The following YLPM1 variants were observed in gnomAD, a reference collection of about 807,000 sequenced individuals.
YLPM1 encodes YLP motif-containing protein 1.
YLPM1 carries 99 observed loss-of-function variants against 230.0 expected under a neutral mutation model. The ratio of observed to expected loss-of-function variants is 0.43; its 90% CI spans 0.37 to 0.51. The LOEUF is 0.51. Ranked by LOEUF, YLPM1 falls within the 20% of genes least tolerant of loss-of-function variation. The probability of loss-of-function intolerance (pLI) is 0.00; values close to 1 mark genes in which losing one functional copy is unlikely to be tolerated. For synonymous variants in YLPM1, 984 were observed against 942.5 expected, an observed-to-expected ratio of 1.04 and a Z score of -0.81; for missense variants, 2,592 against 2,707.7, an observed-to-expected ratio of 0.96 and a Z score of 0.95.
chr14:74,788,030 G>GA (rs1237178385), intron 4 of YLPM1, among the ~76,000 whole-genome samples: 2 of 151,634 alleles, frequency 1.3e-5, no homozygotes, highest in Non-Finnish European at 2.9e-5. Context: ...AAGGGATAGT[G>GA]AAAAAAATGT....
intron 1 of YLPM1, among the ~76,000 whole-genome samples, chr14:74,778,017 A>G (rs1450622185): frequency 1.3e-5 from 2 of 151,660 alleles, no homozygotes; most frequent in Admixed American, 6.6e-5. Flanking sequence ...TTGAGGAGAA[A>G]GAGAGAAGGC....
At chr14:74,803,382 G>A (rs543893269) in intron 6 of YLPM1, among the ~76,000 whole-genome samples, 1 of 152,274 alleles carries the variant, frequency 6.6e-6, no homozygotes, top group South Asian at 2.1e-4. Context: ...TATCTTGCAG[G>A]TAGTTTTATG....
intron 13 of YLPM1, 76 bp from the exon 14 acceptor site, chr14:74,816,855 C>A: frequency 7.5e-6 from 11 of 1,467,184 alleles, no homozygotes; most frequent in Non-Finnish European, 1.0e-5. Flanking sequence ...CATCTCTATC[C>A]AAATACTAAC....
chr14:74,799,036 A>G lies in YLPM1; in HGVS notation c.3739A>G (p.Arg1247Gly), dbSNP rs777601523. Residue 1247 changes from arginine to glycine, a missense_variant, in exon 5 of 21, where the codon AGG (arginine) becomes GGG (glycine). By Grantham distance (125) the Arg-to-Gly change is moderately radical (BLOSUM62 -2). This residue lies in a region of YLPM1 where 1,862 missense variants were observed against 1,819.8 expected (regional missense o/e 1.02). Coordinates refer to ENST00000325680, the MANE Select transcript of YLPM1 (RefSeq NM_019589.3). ...DTLELYNRED[R>G]FSAPPSRSHD... The stretch of plus-strand genomic sequence containing the variant: ...ACTAGAGCTCTATAACAGAGAGGAC[A>G]GGTTCTCAGCACCACCATCTCGGTC... The G allele has an allele frequency of 2.5e-6, 4 of 1,613,884 alleles. No homozygotes were observed. In the African/African-American group the frequency reaches 5.3e-5, roughly 22 times the overall value.
chr14:74,802,217 C>CAA (rs34503917), intron 5 of YLPM1, among the ~76,000 whole-genome samples: 47 of 95,004 alleles, frequency 4.9e-4, no homozygotes, highest in African/African-American at 2.0e-3. Flanking sequence ...GACTCTGTCT[C>CAA]AAAAAAAAAA....
chr14:74,772,457 C>G (rs1427267943), intron 1 of YLPM1, among the ~76,000 whole-genome samples: 1 of 151,578 alleles, frequency 6.6e-6, no homozygotes, highest in Non-Finnish European at 1.5e-5. Flanking sequence ...CTCCCAGGTT[C>G]AAGCGATTCT....
rs762493228 is a variant in YLPM1, at chr14:74,809,528, C to T, written c.4670C>T (p.Pro1557Leu). The change falls in exon 7 of 21, where the codon CCT becomes CTT. Residue 1557 changes from proline to leucine, a missense_variant. Coordinates refer to ENST00000325680, the MANE Select transcript of YLPM1 (RefSeq NM_019589.3). ...CCTCCACCTCCTCCACCTCTACCTCCTCCTCCTCCAGTGATAAAGCCACAA... is the reference window on the plus strand; with the variant it reads ...CCTCCACCTCCTCCACCTCTACCTCTTCCTCCTCCAGTGATAAAGCCACAA... ...PPPPPPPPLP[P>L]PPPVIKPQTS... 1 of 1,591,568 alleles carries T rather than the reference C, an allele frequency of 6.3e-7. No individual in the cohort carries two copies. The highest frequency in any genetic ancestry group is 8.6e-7 in the Non-Finnish European group (1 of 1,168,382).
intron 11 of YLPM1, 45 bp downstream of exon 11, chr14:74,812,827 A>G (rs746754406): frequency 6.3e-7 from 1 of 1,577,082 alleles, no homozygotes; most frequent in South Asian, 1.2e-5. Context: ...ACCAGAAGAT[A>G]AGAGATCTTG....
intron 1 of YLPM1, among the ~76,000 whole-genome samples, chr14:74,767,687 A>G (rs1471687470): frequency 2.0e-5 from 3 of 151,524 alleles, no homozygotes; most frequent in Admixed American, 6.6e-5. Context: ...AGTCCCTCCT[A>G]TTTTCTTTTT....
chr14:74,835,551 AT>A, intron 20 of YLPM1, 104 bp downstream of exon 20: 2 of 989,910 alleles, frequency 2.0e-6, no homozygotes, highest in Non-Finnish European at 2.9e-6. Context: ...TTCTTGTGTT[AT>A]TTTATAGTTC....
Position 74,824,249 on chromosome 14 carries a change from G to A in YLPM1, c.6112-7G>A, listed in dbSNP as rs780358134. On this transcript the variant is annotated splice_polypyrimidine_tract_variant and splice_region_variant and intron_variant, in intron 17 of 20. Coordinates refer to ENST00000325680, the MANE Select transcript of YLPM1 (RefSeq NM_019589.3). ...ACCCTTCGAGCTTCTCTCTGTGTAC[G>A]ATTTAGGGTTACATTCCGAAAAGCA... 1.3e-5 allele frequency: 21 copies of A among 1,611,690 alleles called. No homozygotes were observed. The highest frequency in any genetic ancestry group is 1.1e-4 in the East Asian group (5 of 44,808).
chr14:74,811,708 C>A lies in YLPM1; in HGVS notation c.5317C>A (p.Pro1773Thr). The A allele has an allele frequency of 6.2e-7, 1 of 1,611,434 alleles. No homozygotes were observed. The highest frequency in any genetic ancestry group is 1.1e-5 in the South Asian group (1 of 90,650). The change falls in exon 10 of 21, where the codon CCA becomes ACA. Residue 1773 changes from proline to threonine, a missense_variant. This residue lies in a region of YLPM1 where 403 missense variants were observed against 426.7 expected (regional missense o/e 0.94). Coordinates refer to ENST00000325680, the MANE Select transcript of YLPM1 (RefSeq NM_019589.3). ...RPSYDRKSDR[P>T]VYEGPSMFGG... ...ATCCTATGACCGGAAGTCTGACCGA[C>A]CAGTCTATGAAGGACCATCCATGTT...
At chr14:74,795,240 T>TCACC (rs1034213590) in intron 4 of YLPM1, among the ~76,000 whole-genome samples, 28 of 152,352 alleles carry the variant, frequency 1.8e-4, no homozygotes, top group African/African-American at 6.3e-4. Flanking sequence ...ATTTGGAACT[T>TCACC]CAGAGTAAAG....
intron 16 of YLPM1, among the ~76,000 whole-genome samples, chr14:74,819,454 T>C (rs1255008501): frequency 1.3e-5 from 2 of 152,210 alleles, no homozygotes; most frequent in Admixed American, 6.5e-5. Flanking sequence ...TTTGTATTTT[T>C]AGTAGAGATG....
intron 12 of YLPM1, 143 bp from the exon 13 acceptor site, chr14:74,816,428 C>A: frequency 2.4e-6 from 3 of 1,252,302 alleles, no homozygotes; most frequent in South Asian, 1.6e-5. Flanking sequence ...ATATTTTTAT[C>A]TACTCAGAGA....
rs2091065140 is a variant in YLPM1 at position 74,778,661 on chromosome 14, C to T, written c.1088C>T (p.Pro363Leu). The T allele has an allele frequency of 3.8e-6, 6 of 1,575,304 alleles. No homozygotes were observed. Among genetic ancestry groups the T allele is most frequent in the African/African-American group, 1.4e-5 (1 of 73,608 alleles). The change falls in exon 2 of 21, where the codon CCT becomes CTT. Residue 363 changes from proline to leucine, a missense_variant. Pro to Leu is a moderately conservative substitution (Grantham distance 98). Around this residue, in one of 4 missense-constraint regions of YLPM1, gnomAD observed 1,862 missense variants for 1,819.8 expected, o/e 1.02. Transcript: ENST00000325680. ...LPPPNEEVPP[P>L]LPPEEPQSED... ...CCTCCAAATGAGGAAGTGCCACCTCCTCTCCCACCTGAGGAACCCCAGGTA... is the reference window on the plus strand; with the variant it reads ...CCTCCAAATGAGGAAGTGCCACCTCTTCTCCCACCTGAGGAACCCCAGGTA...
rs1301664763 is a variant in YLPM1, at chr14:74,802,627, C to T, written c.4472C>T (p.Pro1491Leu). The T allele has an allele frequency of 5.0e-6, 8 of 1,613,300 alleles. No individual in the cohort carries two copies. In the Admixed American group the frequency reaches 1.0e-4, roughly 20 times the overall value. Residue 1491 changes from proline (P) to leucine (L), a missense_variant, in exon 6 of 21, where the codon CCT (proline) becomes CTT (leucine). Pro to Leu is a moderately conservative substitution (Grantham distance 98). This residue lies in a region of YLPM1 where 403 missense variants were observed against 426.7 expected (regional missense o/e 0.94). Coordinates refer to ENST00000325680, the MANE Select transcript of YLPM1 (RefSeq NM_019589.3). ...CCACAGATGGCTGACCATCTACCAC[C>T]TCAGGAATCAAGATTGCAGAATACA... is the stretch of plus-strand genomic sequence containing the variant. ...SEPQMADHLP[P>L]QESRLQNTSS...
rs144845024 is a variant in YLPM1, at chr14:74,795,153, A to G, written c.2283-2427A>G. On this transcript the variant is annotated intron_variant, in intron 4 of 20. Coordinates refer to ENST00000325680, the MANE Select transcript of YLPM1 (RefSeq NM_019589.3). Reference sequence around the variant, plus strand: ...CACTTCACTTCACCTGTATTGTGCAATAGTCACTCAAATTCCTCTTGAAAG... The same window carrying G: ...CACTTCACTTCACCTGTATTGTGCAGTAGTCACTCAAATTCCTCTTGAAAG... Among the ~76,000 whole-genome samples the G allele has an allele frequency of 8.1e-4, 123 of 152,328 alleles. 1 individual carries two copies. The highest frequency in any genetic ancestry group is 2.8e-3 in the African/African-American group (116 of 41,564).
At chr14:74,804,802 G>A (rs1358185578) in intron 6 of YLPM1, among the ~76,000 whole-genome samples, 1 of 152,054 alleles carries the variant, frequency 6.6e-6, no homozygotes, top group Non-Finnish European at 1.5e-5. Flanking sequence ...AAATAGAAGC[G>A]CCAGATTGTA....
Sources: gnomAD v4.1 joint callset for allele counts (sites outside exome capture counted in the v4.1 genomes callset) on GRCh38, gnomAD v4.1.1 for gene constraint, gnomAD v4.1.1 regional missense constraint, MANE v1.5 for transcripts, NCBI Gene and HGNC (gene_info 2026-07-23, HGNC 2026-07-21) for gene names.